The following CHN2 variants were observed in gnomAD, a reference collection of about 807,000 sequenced individuals.
CHN2 encodes chimerin 2, also known as beta-chimaerin.
Under a neutral mutation model 56.3 loss-of-function variants are expected in CHN2, and 35 were observed. The ratio of observed to expected loss-of-function variants is 0.62; its 90% confidence interval spans 0.47 to 0.82. The LOEUF (loss-of-function observed/expected upper bound fraction) is 0.82, where lower values mean the gene tolerates loss of function less well. Among genes scored for constraint, CHN2 ranks in the 40% least tolerant of loss-of-function variants. CHN2 has a pLI of 0.00. For synonymous variants in CHN2, 210 were observed against 212.8 expected, an observed-to-expected ratio of 0.99 and a Z score of 0.12; for missense variants, 491 against 580.5, an observed-to-expected ratio of 0.85 and a Z score of 1.58.
chr7:29,242,108 G>A (rs1562858750), intron 1 of CHN2, among the ~76,000 whole-genome samples: 1 of 152,142 alleles, frequency 6.6e-6, no homozygotes, highest in Non-Finnish European at 1.5e-5. Flanking sequence ...CTATGGTTGT[G>A]TAACTCATCT....
At chr7:29,510,421 A>G (rs1295069508) in intron 12 of CHN2, among the ~76,000 whole-genome samples, 2 of 152,204 alleles carry the variant, frequency 1.3e-5, no homozygotes, top group Non-Finnish European at 2.9e-5. Flanking sequence ...CCTGGGCAAC[A>G]GAATGAGACG....
intron 4 of CHN2, among the ~76,000 whole-genome samples, chr7:29,394,052 C>G (rs1052207286): frequency 6.6e-6 from 1 of 152,082 alleles, no homozygotes; most frequent in African/African-American, 2.4e-5. Context: ...ACAATAGAAA[C>G]GTTTGGTGTG....
At chr7:29,335,993 AG>A in intron 1 of CHN2, 1 of 152,336 alleles carries the variant, frequency 6.6e-6, no homozygotes, top group Non-Finnish European at 1.5e-5. Flanking sequence ...CCAGTGGGGT[AG>A]CTTTGCAGTG....
chr7:29,297,399 A>G (rs1204662733), intron 1 of CHN2, among the ~76,000 whole-genome samples: 1 of 150,656 alleles, frequency 6.6e-6, no homozygotes, highest in African/African-American at 2.5e-5. Flanking sequence ...TCCTGCTGAC[A>G]GGGGGCGCTG....
chr7:29,345,349 G>A (rs537987078), intron 1 of CHN2, among the ~76,000 whole-genome samples: 8 of 152,302 alleles, frequency 5.3e-5, no homozygotes, highest in South Asian at 2.1e-4. Flanking sequence ...ACAGCAAAAC[G>A]TTTCGGATGG....
intron 10 of CHN2, among the ~76,000 whole-genome samples, chr7:29,505,645 C>G (rs1790480655): frequency 1.3e-5 from 2 of 152,234 alleles, no homozygotes; most frequent in Non-Finnish European, 2.9e-5. Flanking sequence ...GGGGTCAGCT[C>G]AAGCCTTTCC....
chr7:29,190,394 A>G (rs1359117071), upstream of CHN2, among the ~76,000 whole-genome samples: 5 of 152,206 alleles, frequency 3.3e-5, no homozygotes, highest in Non-Finnish European at 2.9e-5. Context: ...AGGGAAAGGG[A>G]ATGACCTTCA....
intron 3 of CHN2, among the ~76,000 whole-genome samples, chr7:29,382,692 C>T (rs967600411): frequency 1.3e-5 from 2 of 152,164 alleles, no homozygotes; most frequent in Non-Finnish European, 2.9e-5. Flanking sequence ...AGTAAGATCG[C>T]CACGGCCCTA....
intron 2 of CHN2, among the ~76,000 whole-genome samples, chr7:29,362,895 A>G (rs1306673078): frequency 6.6e-6 from 1 of 152,220 alleles, no homozygotes; most frequent in African/African-American, 2.4e-5. Flanking sequence ...CCCATGGGCC[A>G]TTAGATACAG....
intron 6 of CHN2, among the ~76,000 whole-genome samples, chr7:29,405,623 A>G (rs1049452606): frequency 6.6e-6 from 1 of 152,042 alleles, no homozygotes; most frequent in East Asian, 1.9e-4. Flanking sequence ...TTTGGTTTCT[A>G]CTTTCTTCCT....
chr7:29,293,286 G>A (rs1234689026), intron 1 of CHN2, among the ~76,000 whole-genome samples: 1 of 145,404 alleles, frequency 6.9e-6, no homozygotes, highest in Non-Finnish European at 1.5e-5. Context: ...CTGCATCCTC[G>A]ATTTTCCCCT....
At chr7:29,329,954 A>G (rs1037312314) in intron 1 of CHN2, among the ~76,000 whole-genome samples, 1 of 151,908 alleles carries the variant, frequency 6.6e-6, no homozygotes, top group Non-Finnish European at 1.5e-5. Context: ...TTCATATCTC[A>G]CCTTTCAGTA....
intron 2 of CHN2, among the ~76,000 whole-genome samples, chr7:29,187,642 C>T (rs746043807): frequency 1.3e-5 from 2 of 151,972 alleles, no homozygotes; most frequent in Non-Finnish European, 2.9e-5. Context: ...GCAGGAGAAT[C>T]GCTTGAACCA....
At chr7:29,266,205 A>C (rs76305636) in intron 1 of CHN2, among the ~76,000 whole-genome samples, 3,519 of 152,304 alleles carry the variant, frequency 0.023, 137 homozygotes, top group African/African-American at 0.077. Flanking sequence ...GGCCTTCCTC[A>C]CTAGGCATTC....
At chr7:29,227,618 C>A (rs1248889405) in intron 1 of CHN2, among the ~76,000 whole-genome samples, 1 of 152,176 alleles carries the variant, frequency 6.6e-6, no homozygotes, top group Non-Finnish European at 1.5e-5. Flanking sequence ...GAACTGTAGT[C>A]ATTTTGCTGT....
chr7:29,209,710 GGGAGGGA>G (rs1307322888), intron 1 of CHN2, among the ~76,000 whole-genome samples: 2 of 152,158 alleles, frequency 1.3e-5, no homozygotes, highest in Non-Finnish European at 2.9e-5. Context: ...CGCTTGCTAT[GGGAGGGA>G]ATTTTTAAGG....
chr7:29,328,875 TGAAAA>T (rs545494720), intron 1 of CHN2, among the ~76,000 whole-genome samples: 68 of 152,336 alleles, frequency 4.5e-4, no homozygotes, highest in Middle Eastern at 3.4e-3. Context: ...CATCTGTTGA[TGAAAA>T]GAAAAGTTTT....
intron 2 of CHN2, among the ~76,000 whole-genome samples, chr7:29,365,485 T>C (rs907973019): frequency 6.6e-6 from 1 of 152,160 alleles, no homozygotes; most frequent in Admixed American, 6.5e-5. Context: ...TAGACTAGGG[T>C]GATGTCTTTG....
intron 1 of CHN2, chr7:29,292,922 C>T (rs1029831236): frequency 4.4e-6 from 2 of 456,148 alleles, no homozygotes; most frequent in Non-Finnish European, 8.8e-6. Context: ...TGCCTCTCTT[C>T]AGTCTATTCT....
Sources: gnomAD v4.1 joint callset for allele counts (sites outside exome capture counted in the v4.1 genomes callset) on GRCh38, gnomAD v4.1.1 for gene constraint, MANE v1.5 for transcripts, NCBI Gene and HGNC (gene_info 2026-07-23, HGNC 2026-07-21) for gene names.